The following RIMS1 variants were observed in gnomAD, a reference collection of about 807,000 sequenced individuals.
RIMS1 encodes the protein regulating synaptic membrane exocytosis 1.
Under a neutral mutation model 214.1 loss-of-function variants are expected in RIMS1, and 83 were observed. The ratio of observed to expected loss-of-function variants is 0.39; its 90% confidence interval spans 0.32 to 0.47. The LOEUF is 0.47. RIMS1 is among the 20% of genes least tolerant of loss of function. The pLI is 0.99. For synonymous variants in RIMS1, 793 were observed against 786.8 expected (o/e 1.01, Z -0.13); for missense variants, 2,050 against 2,161.8 (o/e 0.95, Z 1.03).
In RIMS1 at chr6:72,252,757, G is replaced by T; in HGVS notation, c.2699-4G>T. 1.9e-6 allele frequency: 3 copies of T among 1,557,062 alleles called. No individual in the cohort carries two copies. Among genetic ancestry groups the T allele is most frequent in the African/African-American group, 1.4e-5 (1 of 73,638 alleles). ...AAGTATCTCTTTGCCTTACTGTTGT[G>T]CAGGATCTCAGCGAATCAGTGATAG... On this transcript the variant is annotated splice_region_variant and splice_polypyrimidine_tract_variant and intron_variant, in intron 15 of 33. Transcript: ENST00000521978.
chr6:72,244,826 T>C (rs1458592656), intron 10 of RIMS1, among the ~76,000 whole-genome samples: 1 of 151,918 alleles, frequency 6.6e-6, no homozygotes, highest in African/African-American at 2.4e-5. Flanking sequence ...AAAACTCTTT[T>C]TGTTTTCATT....
chr6:72,068,352 C>CT (rs767970746), intron 2 of RIMS1, among the ~76,000 whole-genome samples: 10 of 123,124 alleles, frequency 8.1e-5, no homozygotes, highest in Middle Eastern at 7.6e-3. Context: ...TTTGAAACCA[C>CT]TTTTTTGTCC....
chr6:71,961,855 C>G (rs1793043936), intron 1 of RIMS1, among the ~76,000 whole-genome samples: 1 of 152,044 alleles, frequency 6.6e-6, no homozygotes, highest in Non-Finnish European at 1.5e-5. Context: ...GATTTGCAGG[C>G]AGCACACGGT....
Position 72,259,046 on chromosome 6 carries a change from C to T in RIMS1, c.2988C>T (p.Ala996=), listed in dbSNP as rs746198807. The T allele has an allele frequency of 2.2e-5, 36 of 1,611,640 alleles. No individual in the cohort carries two copies. Among genetic ancestry groups the T allele is most frequent in the Middle Eastern group, 1.6e-4 (1 of 6,072 alleles). ...RSRSPTRHHD[A]SRSPVDHRTR... Reference sequence around the variant, plus strand: ...GTTCTCCAACCAGACACCATGATGCCTCCCGAAGTCCAGTTGATCATAGAA... The same window carrying T: ...GTTCTCCAACCAGACACCATGATGCTTCCCGAAGTCCAGTTGATCATAGAA... The change falls in exon 18 of 34, where the codon GCC becomes GCT. Residue 996 remains alanine (A), a synonymous_variant. Transcript: ENST00000521978.
In RIMS1 at chr6:72,291,990, G is replaced by A. The variant is rs1235200678; in HGVS notation, c.3794G>A (p.Ser1265Asn). The A allele has an allele frequency of 6.4e-7, 1 of 1,564,778 alleles. No homozygotes were observed. The highest frequency in any genetic ancestry group is 1.9e-5 in the Admixed American group (1 of 52,758). ...QSPPADTSFS[S>N]RRGRQLPQVP... is the part of the protein sequence containing the mutation. ...CCTCCAGCAGACACATCGTTCAGCA[G>A]TCGCAGGGGAAGACAGCTCCCACAA... is the stretch of plus-strand genomic sequence containing the variant. The change falls in exon 26 of 34, where the codon AGT (serine) becomes AAT (asparagine). Residue 1265 changes from serine (S) to asparagine (N), a missense_variant. Physicochemically the swap from Ser to Asn is conservative, Grantham distance 46. This residue lies in a region of RIMS1 where 889 missense variants were observed against 885.5 expected (regional missense o/e 1.00). Coordinates refer to ENST00000521978, the MANE Select transcript of RIMS1 (RefSeq NM_014989.7).
chr6:72,052,350 A>C (rs1007498663), intron 2 of RIMS1, among the ~76,000 whole-genome samples: 3 of 152,212 alleles, frequency 2.0e-5, no homozygotes, highest in African/African-American at 7.2e-5. Flanking sequence ...ATCTTGTGGA[A>C]TTCCAGGAGG....
chr6:72,108,262 G>A (rs1431534834), intron 4 of RIMS1, among the ~76,000 whole-genome samples: 1 of 125,234 alleles, frequency 8.0e-6, no homozygotes, highest in Non-Finnish European at 1.8e-5. Context: ...TTTTGTGTGT[G>A]TGTGTATGTG....
intron 8 of RIMS1, among the ~76,000 whole-genome samples, chr6:72,237,161 A>G (rs890396589): frequency 6.6e-6 from 1 of 151,588 alleles, no homozygotes; most frequent in African/African-American, 2.4e-5. Flanking sequence ...ATCTATGATC[A>G]CATCAACACA....
rs369707644 is a variant in RIMS1 at position 72,159,493 on chromosome 6, C to T, written c.472-20082C>T. 5.3e-4 allele frequency among the ~76,000 whole-genome samples: 74 copies of T among 140,574 alleles called. 15 individuals carry two copies. Among genetic ancestry groups the T allele is most frequent in the Non-Finnish European group, 9.1e-4 (56 of 61,820 alleles). 92.2% of individuals were successfully genotyped at this position (140,574 alleles called of 152,430 possible). A position where few individuals can be genotyped will look rare whatever the true frequency, so the allele number is the denominator to read the frequency against. ...CCTATGTCCTGAATGGTATTGCCTA[C>T]GTTTTCTTGTAGGGTTTTTATGGTT... On this transcript the variant is annotated intron_variant, in intron 4 of 33. Coordinates refer to ENST00000521978, the MANE Select transcript of RIMS1 (RefSeq NM_014989.7).
At chr6:72,029,494 A>G (rs1022296352) in intron 2 of RIMS1, among the ~76,000 whole-genome samples, 2 of 152,170 alleles carry the variant, frequency 1.3e-5, no homozygotes, top group African/African-American at 2.4e-5. Flanking sequence ...ATGTAAGGAC[A>G]CAGCAAGAAG....
chr6:72,129,099 T>C (rs2040049108), intron 4 of RIMS1, among the ~76,000 whole-genome samples: 2 of 152,220 alleles, frequency 1.3e-5, no homozygotes, highest in Non-Finnish European at 2.9e-5. Flanking sequence ...ATATTCTTTG[T>C]TAGCTCTTCT....
intron 5 of RIMS1, among the ~76,000 whole-genome samples, chr6:72,180,379 G>A (rs2048249142): frequency 6.6e-6 from 1 of 152,146 alleles, no homozygotes; most frequent in African/African-American, 2.4e-5. Context: ...GGGAAGGATG[G>A]GTGCTCCAGG....
intron 2 of RIMS1, among the ~76,000 whole-genome samples, chr6:71,972,927 G>GT (rs1326706164): frequency 6.6e-6 from 1 of 152,086 alleles, no homozygotes; most frequent in Non-Finnish European, 1.5e-5. Flanking sequence ...TTGTTTGTTT[G>GT]TTTTTTGAGA....
intron 4 of RIMS1, among the ~76,000 whole-genome samples, chr6:72,151,604 G>T (rs1300630299): frequency 6.6e-6 from 1 of 152,080 alleles, no homozygotes; most frequent in Non-Finnish European, 1.5e-5. Flanking sequence ...GCAAATCCTT[G>T]CCAATACAAT....
chr6:72,318,854 C>T (rs1017870431), intron 28 of RIMS1, among the ~76,000 whole-genome samples: 23 of 152,122 alleles, frequency 1.5e-4, no homozygotes, highest in African/African-American at 5.5e-4. Flanking sequence ...TGGCTAAGGA[C>T]ATATGCCTTT....
At chr6:72,085,596 A>G (rs1433519088) in intron 2 of RIMS1, among the ~76,000 whole-genome samples, 7 of 152,016 alleles carry the variant, frequency 4.6e-5, no homozygotes, top group Non-Finnish European at 1.0e-4. Flanking sequence ...AATTGCCTTC[A>G]TTTTCAAGTT....
At chr6:72,369,716 A>G (rs978854022) in intron 29 of RIMS1, among the ~76,000 whole-genome samples, 34 of 152,344 alleles carry the variant, frequency 2.2e-4, no homozygotes, top group African/African-American at 7.2e-4. Flanking sequence ...CCAAATTTGC[A>G]TTTGATTGAA....
At chr6:72,326,940 G>T (rs887140795) in intron 28 of RIMS1, among the ~76,000 whole-genome samples, 3 of 151,690 alleles carry the variant, frequency 2.0e-5, no homozygotes, top group Non-Finnish European at 2.9e-5. Context: ...CCACATGTAT[G>T]CAACCAGCCA....
chr6:72,229,241 G>A lies in RIMS1; in HGVS notation c.1679-4532G>A, dbSNP rs547333155. Among the ~76,000 whole-genome samples the A allele has an allele frequency of 1.6e-3, 212 of 134,072 alleles. 2 individuals are homozygous for A. The highest frequency in any genetic ancestry group is 5.7e-3 in the African/African-American group (194 of 34,128). The allele number at this position is 134,072 out of a possible 152,430, so 88.0% of individuals were successfully genotyped here. The stretch of plus-strand genomic sequence containing the variant: ...CAGATATGTTTAGGGAGTGAATATT[G>A]GCCTGAATTTAGAATAAAATTAACA... On this transcript the variant is annotated intron_variant, in intron 6 of 33. Coordinates refer to ENST00000521978, the MANE Select transcript of RIMS1 (RefSeq NM_014989.7).
Sources: gnomAD v4.1 joint callset for allele counts (sites outside exome capture counted in the v4.1 genomes callset) on GRCh38, gnomAD v4.1.1 for gene constraint, gnomAD v4.1.1 regional missense constraint, MANE v1.5 for transcripts, NCBI Gene and HGNC (gene_info 2026-07-23, HGNC 2026-07-21) for gene names.